B4GALNT3: variants seen among roughly 807,000 people sequenced by gnomAD.
B4GALNT3 encodes beta-1,4-N-acetyl-galactosaminyltransferase 3, also known as beta-1,4-N-acetylgalactosaminyltransferase 3.
Under a neutral mutation model 120.2 loss-of-function variants are expected in B4GALNT3, and 86 were observed. The observed-to-expected ratio is 0.72, with a 90% confidence interval of 0.60 to 0.86. B4GALNT3 has a LOEUF of 0.86. Among genes scored for constraint, B4GALNT3 ranks in the 40% least tolerant of loss-of-function variants. B4GALNT3 has a pLI of 0.00. For synonymous variants in B4GALNT3, 518 were observed against 510.4 expected (o/e 1.01, Z -0.20); for missense variants, 1,167 against 1,298.9 (o/e 0.90, Z 1.56).
At chr12:491,910 T>G (rs1397234610) in intron 1 of B4GALNT3, among the ~76,000 whole-genome samples, 2 of 151,662 alleles carry the variant, frequency 1.3e-5, no homozygotes. Context: ...AAAAAAAAAT[T>G]AGCCAGGTGT....
intron 1 of B4GALNT3, among the ~76,000 whole-genome samples, chr12:525,586 G>A (rs145412160): frequency 3.2e-4 from 49 of 152,028 alleles, no homozygotes; most frequent in Middle Eastern, 3.4e-3. Flanking sequence ...TCTGTAAGTC[G>A]TGTGTCCCTG....
At position 545,463 on chromosome 12, in the gene B4GALNT3, G is replaced by C; in HGVS notation, c.633G>C (p.Val211=). The C allele has an allele frequency of 3.1e-6, 5 of 1,602,850 alleles. No individual in the cohort carries two copies. Among genetic ancestry groups the C allele is most frequent in the Non-Finnish European group, 4.3e-6 (5 of 1,175,414 alleles). The change falls in exon 6 of 20, where the codon GTG becomes GTC. Residue 211 remains valine, a synonymous_variant. Coordinates refer to ENST00000266383, the MANE Select transcript of B4GALNT3 (RefSeq NM_173593.4). The part of the protein sequence containing the change: ...QVSGLQLLAS[V]GKTGKEWTAP... ...CAGGCCTCCAGCTGCTGGCCAGTGT[G>C]GGCAAGGTAAGGCCAGCTCAACCCC...
chr12:512,324 C>CCTT (rs1946590673), intron 1 of B4GALNT3, among the ~76,000 whole-genome samples: 2 of 132,062 alleles, frequency 1.5e-5, no homozygotes, highest in African/African-American at 3.2e-5. Context: ...CCACCTTCCA[C>CCTT]CTTCCACCTT....
chr12:490,910 C>G (rs1023950192), intron 1 of B4GALNT3, among the ~76,000 whole-genome samples: 21 of 152,028 alleles, frequency 1.4e-4, no homozygotes, highest in African/African-American at 5.1e-4. Flanking sequence ...ACAGAAAGCC[C>G]CAGGCCCAGA....
chr12:544,079 C>T (rs1163902225), intron 3 of B4GALNT3, among the ~76,000 whole-genome samples: 7 of 112,784 alleles, frequency 6.2e-5, no homozygotes, highest in East Asian at 4.6e-4. Context: ...GGAGCTGGGG[C>T]GGGCATGGGG....
At chr12:497,700 GT>G (rs1245614944) in intron 1 of B4GALNT3, among the ~76,000 whole-genome samples, 2 of 152,116 alleles carry the variant, frequency 1.3e-5, no homozygotes, top group African/African-American at 2.4e-5. Flanking sequence ...GTTCATTGTT[GT>G]TGAGCACCGA....
chr12:475,838 G>T (rs1348937566), intron 1 of B4GALNT3, among the ~76,000 whole-genome samples: 1 of 152,172 alleles, frequency 6.6e-6, no homozygotes, highest in African/African-American at 2.4e-5. Context: ...CAGAGTATCT[G>T]GTTAGGACAG....
chr12:494,363 C>G (rs1415695232), intron 1 of B4GALNT3, among the ~76,000 whole-genome samples: 5 of 151,912 alleles, frequency 3.3e-5, no homozygotes, highest in Non-Finnish European at 7.4e-5. Flanking sequence ...AGACTCTTAG[C>G]TTCATCAGTC....
intron 1 of B4GALNT3, among the ~76,000 whole-genome samples, chr12:477,917 G>A (rs1946199108): frequency 6.6e-6 from 1 of 152,128 alleles, no homozygotes; most frequent in Admixed American, 6.6e-5. Context: ...AAGAAAAGTG[G>A]CAGAGAGGTA....
intron 3 of B4GALNT3, among the ~76,000 whole-genome samples, chr12:539,938 G>A (rs189691681): frequency 5.9e-5 from 9 of 151,958 alleles, no homozygotes; most frequent in Non-Finnish European, 1.2e-4. Flanking sequence ...AAAATAGATC[G>A]AGTACCTCGA....
chr12:540,405 G>A (rs1341143361), intron 3 of B4GALNT3: 3 of 152,238 alleles, frequency 2.0e-5, no homozygotes, highest in Non-Finnish European at 2.9e-5. Context: ...AGGATGTGCA[G>A]GGAACACAGG....
At chr12:547,336 G>T (rs1947021107) in intron 7 of B4GALNT3, among the ~76,000 whole-genome samples, 2 of 152,180 alleles carry the variant, frequency 1.3e-5, no homozygotes, top group African/African-American at 2.4e-5. Flanking sequence ...TAGAGAAAAA[G>T]ATTTGGAATA....
intron 3 of B4GALNT3, chr12:543,026 G>A (rs1946937095): frequency 2.9e-6 from 3 of 1,044,718 alleles, no homozygotes; most frequent in South Asian, 2.8e-5. Flanking sequence ...ACCCCAGCCG[G>A]CTCCTCCTAG....
At chr12:485,286 A>G (rs1946280997) in intron 1 of B4GALNT3, among the ~76,000 whole-genome samples, 1 of 152,216 alleles carries the variant, frequency 6.6e-6, no homozygotes, top group South Asian at 2.1e-4. Context: ...AGAAAGATGT[A>G]CTTACAGTCC....
In B4GALNT3 at chr12:552,180, G is replaced by C. The variant is rs1947090632; in HGVS notation, c.1208+17G>C. The C allele has an allele frequency of 1.3e-6, 2 of 1,577,518 alleles. No individual in the cohort carries two copies. Among genetic ancestry groups the C allele is most frequent in the East Asian group, 2.2e-5 (1 of 44,702 alleles). On this transcript the variant is annotated intron_variant, in intron 12 of 19. Transcript: ENST00000266383. ...CCAAGACCGGTGAGAGACACTGAGT[G>C]GGGCAGGAAGGTGACCTTGCAGAGG...
chr12:558,170 T>TGA (rs751297530), intron 17 of B4GALNT3, 82 bp downstream of exon 17: 76 of 1,481,116 alleles, frequency 5.1e-5, no homozygotes, highest in Non-Finnish European at 7.1e-5. Context: ...AATGAGGTGG[T>TGA]GAGCCCCTCA....
chr12:544,868 C>G lies in B4GALNT3; in HGVS notation c.448-14C>G. On this transcript the variant is annotated splice_polypyrimidine_tract_variant and intron_variant, in intron 4 of 19. Transcript: ENST00000266383. Reference sequence around the variant, plus strand: ...TCTTCTGGGTAACTGTTTCCTTCCCCTTTCTTGGCATAGATTCGCACAACC... The same window carrying G: ...TCTTCTGGGTAACTGTTTCCTTCCCGTTTCTTGGCATAGATTCGCACAACC... 1.9e-6 allele frequency: 3 copies of G among 1,613,160 alleles called. No individual in the cohort carries two copies. Among genetic ancestry groups the G allele is most frequent in the Non-Finnish European group, 2.5e-6 (3 of 1,179,292 alleles).
chr12:559,137 A>G lies in B4GALNT3; in HGVS notation c.2762-158A>G, dbSNP rs7970599. On this transcript the variant is annotated intron_variant, in intron 18 of 19. Transcript: ENST00000266383. ...CCTTAGTTAGGGGTCTTTCCTCCAA[A>G]ACAGGCAAAGTACTTGTTCAGCTAA... 0.077 allele frequency among the ~76,000 whole-genome samples: 11,639 copies of G among 151,950 alleles called. 566 individuals are homozygous for G. The highest frequency in any genetic ancestry group is 0.13 in the Admixed American group (1,981 of 15,254).
At chr12:520,816 G>A (rs1446824083) in intron 1 of B4GALNT3, among the ~76,000 whole-genome samples, 1 of 152,222 alleles carries the variant, frequency 6.6e-6, no homozygotes, top group African/African-American at 2.4e-5. Flanking sequence ...TATATGAATT[G>A]GAGTGTTGCT....
Sources: gnomAD v4.1 joint callset for allele counts (sites outside exome capture counted in the v4.1 genomes callset) on GRCh38, gnomAD v4.1.1 for gene constraint, MANE v1.5 for transcripts, NCBI Gene and HGNC (gene_info 2026-07-23, HGNC 2026-07-21) for gene names.